The following PIK3C2G variants were observed in gnomAD, a reference collection of about 807,000 sequenced individuals.
PIK3C2G encodes the protein phosphatidylinositol-4-phosphate 3-kinase catalytic subunit type 2 gamma.
A neutral mutation model predicts 181.1 loss-of-function variants in PIK3C2G; 168 were observed. The ratio of observed to expected loss-of-function variants is 0.93; its 90% CI spans 0.82 to 1.05. The LOEUF is 1.05. PIK3C2G is among the 50% of genes least tolerant of loss of function. PIK3C2G has a pLI of 0.00. For synonymous variants in PIK3C2G, 573 were observed against 592.2 expected (o/e 0.97, Z 0.47); for missense variants, 1,869 against 1,732.8 (o/e 1.08, Z -1.40).
chr12:18,424,963 G>A (rs1945710248), intron 18 of PIK3C2G: 2 of 197,034 alleles, frequency 1.0e-5, no homozygotes, highest in African/African-American at 4.7e-5. Context: ...TAGTATGATT[G>A]GAAATGGGTC....
intron 18 of PIK3C2G, among the ~76,000 whole-genome samples, chr12:18,470,857 A>C (rs1265539074): frequency 6.6e-6 from 1 of 152,168 alleles, no homozygotes; most frequent in Non-Finnish European, 1.5e-5. Context: ...AAAAATCAAA[A>C]TTAAATATTA....
chr12:18,330,656 T>G (rs1353749546), intron 8 of PIK3C2G, among the ~76,000 whole-genome samples: 1 of 152,172 alleles, frequency 6.6e-6, no homozygotes, highest in African/African-American at 2.4e-5. Context: ...CCTCTTGTTA[T>G]CAAATTGTGA....
At position 18,381,779 on chromosome 12, in the gene PIK3C2G, G is replaced by C. The variant is rs537382833; in HGVS notation, c.1894G>C (p.Gly632Arg). The C allele has an allele frequency of 8.1e-6, 13 of 1,607,160 alleles. No individual in the cohort carries two copies. Among genetic ancestry groups the C allele is most frequent in the Admixed American group, 1.7e-5 (1 of 59,940 alleles). The change falls in exon 14 of 33, where the codon GGG becomes CGG. Residue 632 changes from glycine (G) to arginine (R), a missense_variant. Transcript: ENST00000538779. ...PLFPKEKSIL[G>R]SMLFSMTLQS... ...TGTCTTTTGCAGAAAATCCATTCTC[G>C]GGTCTATGCTGTTCAGCATGACATT...
intron 18 of PIK3C2G, among the ~76,000 whole-genome samples, chr12:18,455,259 T>C (rs1947562421): frequency 6.6e-6 from 1 of 151,838 alleles, no homozygotes; most frequent in African/African-American, 2.4e-5. Context: ...GCAAGAGTTT[T>C]ACACAAAGAC....
At chr12:18,319,136 T>C (rs1451488969) in intron 6 of PIK3C2G, among the ~76,000 whole-genome samples, 1 of 152,096 alleles carries the variant, frequency 6.6e-6, no homozygotes, top group Non-Finnish European at 1.5e-5. Context: ...TTAGAAATCA[T>C]CCAAGGTTTC....
intron 18 of PIK3C2G, among the ~76,000 whole-genome samples, chr12:18,483,438 AAC>A (rs2136030243): frequency 6.6e-6 from 1 of 152,330 alleles, no homozygotes; most frequent in African/African-American, 2.4e-5. Context: ...ATAAAATAAC[AAC>A]AGAATTTTAG....
intron 29 of PIK3C2G, among the ~76,000 whole-genome samples, chr12:18,592,268 G>C (rs1474399568): frequency 6.6e-6 from 1 of 151,802 alleles, no homozygotes; most frequent in Non-Finnish European, 1.5e-5. Flanking sequence ...GCCTAGAAGT[G>C]AGAAACACTT....
chr12:18,480,576 T>C (rs1939459195), intron 18 of PIK3C2G, among the ~76,000 whole-genome samples: 1 of 152,064 alleles, frequency 6.6e-6, no homozygotes, highest in Non-Finnish European at 1.5e-5. Flanking sequence ...TGAGGACTAG[T>C]TAAAACAAGA....
Position 18,387,035 on chromosome 12 carries a change from C to A in PIK3C2G, c.1996-4087C>A, listed in dbSNP as rs1485708820. On this transcript the variant is annotated intron_variant, in intron 14 of 32. Coordinates refer to ENST00000538779, the MANE Select transcript of PIK3C2G (RefSeq NM_001288772.2). Reference sequence around the variant, plus strand: ...CGAAACATGCCCCAAACGGAGCCCACTTCCTCTCCAAAATTACTTTCACCC... The same window carrying A: ...CGAAACATGCCCCAAACGGAGCCCAATTCCTCTCCAAAATTACTTTCACCC... Among the ~76,000 whole-genome samples, 9 of 152,248 alleles carry A rather than the reference C, an allele frequency of 5.9e-5. No homozygotes were observed. The East Asian group carries it at 1.5e-3, about 26-fold the overall frequency.
chr12:18,364,461 T>G (rs1941493166), intron 12 of PIK3C2G, among the ~76,000 whole-genome samples: 1 of 152,246 alleles, frequency 6.6e-6, no homozygotes, highest in South Asian at 2.1e-4. Context: ...TGTTTAGATT[T>G]CTGTATGCTC....
intron 18 of PIK3C2G, among the ~76,000 whole-genome samples, chr12:18,457,200 T>C (rs1028058799): frequency 4.6e-5 from 7 of 152,282 alleles, no homozygotes; most frequent in Admixed American, 3.9e-4. Context: ...AGTTTGTGCA[T>C]AGGAAATTAC....
Position 18,338,468 on chromosome 12 carries a change from A to AGG in PIK3C2G, c.1316_1317insGG (p.Ser439ArgfsTer4). On this transcript the variant is annotated frameshift_variant, in exon 9 of 33. Transcript: ENST00000538779. LOFTEE classifies it high-confidence loss of function. ...TATTGAAGAAGTTAAAAAAATATGC[A>AGG]GTGTTCTAGGGTGTGTGGAAACCAA... 6.3e-7 allele frequency: 1 copy of AGG among 1,577,974 alleles called. No homozygotes were observed. Among genetic ancestry groups the AGG allele is most frequent in the Non-Finnish European group, 8.7e-7 (1 of 1,149,146 alleles).
At chr12:18,587,758 AAAAC>A (rs1565535883) in intron 29 of PIK3C2G, among the ~76,000 whole-genome samples, 31 of 147,160 alleles carry the variant, frequency 2.1e-4, no homozygotes, top group African/African-American at 7.0e-4. Context: ...CAAACAAAAC[AAAAC>A]AAAACAAAAC....
the PIK3C2G span, among the ~76,000 whole-genome samples, chr12:18,695,789 T>C: frequency 1.3e-5 from 2 of 152,136 alleles, no homozygotes; most frequent in Non-Finnish European, 2.9e-5. Flanking sequence ...TCATGTAAAG[T>C]ATAAATGATA....
intron 32 of PIK3C2G, 36 bp downstream of exon 32, chr12:18,640,590 A>G: frequency 6.5e-7 from 1 of 1,540,440 alleles, no homozygotes; most frequent in South Asian, 1.2e-5. Flanking sequence ...GTCATTTTGT[A>G]TTTTTCTTAC....
the PIK3C2G span, among the ~76,000 whole-genome samples, chr12:18,706,085 T>G: frequency 6.6e-6 from 1 of 151,378 alleles, no homozygotes; most frequent in Non-Finnish European, 1.5e-5. Context: ...AAAAGAAAAT[T>G]AGCTAGGCGT....
At chr12:18,619,456 T>G (rs1263898269) in intron 31 of PIK3C2G, among the ~76,000 whole-genome samples, 2 of 152,168 alleles carry the variant, frequency 1.3e-5, no homozygotes, top group African/African-American at 4.8e-5. Context: ...AGACGGAAGC[T>G]AAGGCCAATT....
chr12:18,467,872 AG>A (rs1296148013), intron 18 of PIK3C2G, among the ~76,000 whole-genome samples: 1 of 151,994 alleles, frequency 6.6e-6, no homozygotes, highest in Non-Finnish European at 1.5e-5. Flanking sequence ...AATAACCTAA[AG>A]CTCTATCTTG....
the PIK3C2G span, among the ~76,000 whole-genome samples, chr12:18,658,476 A>G: frequency 2.0e-5 from 3 of 152,168 alleles, no homozygotes; most frequent in Admixed American, 2.0e-4. Flanking sequence ...ATCCTCAATA[A>G]GATTAATGGC....
Sources: gnomAD v4.1 joint callset for allele counts (sites outside exome capture counted in the v4.1 genomes callset) on GRCh38, gnomAD v4.1.1 for gene constraint, MANE v1.5 for transcripts, NCBI Gene and HGNC (gene_info 2026-07-23, HGNC 2026-07-21) for gene names.